Variants in EGFLAM observed in about 807,000 individuals in gnomAD.
EGFLAM encodes the protein pikachurin.
Under a neutral mutation model 113.1 loss-of-function variants are expected in EGFLAM, and 79 were observed. The observed-to-expected ratio is 0.70, with a 90% confidence interval of 0.58 to 0.84. The LOEUF is 0.84. Among genes scored for constraint, EGFLAM ranks in the 40% least tolerant of loss-of-function variants. The probability of loss-of-function intolerance (pLI) is 0.00; values close to 1 mark genes in which losing one functional copy is unlikely to be tolerated. For missense variants in EGFLAM, 1,265 were observed against 1,291.6 expected, an observed-to-expected ratio of 0.98 and a Z score of 0.32; for synonymous variants, 504 against 487.6, an observed-to-expected ratio of 1.03 and a Z score of -0.44.
intron 12 of EGFLAM, among the ~76,000 whole-genome samples, chr5:38,423,770 G>A (rs1251028923): frequency 6.6e-6 from 1 of 152,212 alleles, no homozygotes; most frequent in Non-Finnish European, 1.5e-5. Flanking sequence ...CAGCTGGGGA[G>A]GCAAGCCATC....
intron 3 of EGFLAM, among the ~76,000 whole-genome samples, chr5:38,341,023 C>T (rs1739322389): frequency 6.6e-6 from 1 of 152,172 alleles, no homozygotes; most frequent in Non-Finnish European, 1.5e-5. Context: ...AACAAAACAG[C>T]TGCTTAACCT....
chr5:38,409,256 A>G (rs1017207650), intron 10 of EGFLAM, 152 bp downstream of exon 10: 9 of 670,616 alleles, frequency 1.3e-5, no homozygotes, highest in East Asian at 5.7e-5. Context: ...TTTACCAAAT[A>G]CTGGTGTACT....
At chr5:38,330,001 T>C (rs905386431) in intron 1 of EGFLAM, among the ~76,000 whole-genome samples, 2 of 152,076 alleles carry the variant, frequency 1.3e-5, no homozygotes, top group Admixed American at 1.3e-4. Context: ...CAGGGTCCGA[T>C]TTAAATACTT....
At chr5:38,461,422 G>T (rs1231080753) in intron 20 of EGFLAM, 1 of 152,074 alleles carries the variant, frequency 6.6e-6, no homozygotes, top group Non-Finnish European at 1.5e-5. Context: ...TGATTATAAG[G>T]TATATCTTCA....
chr5:38,325,214 C>T (rs1314769237), intron 1 of EGFLAM, among the ~76,000 whole-genome samples: 2 of 152,164 alleles, frequency 1.3e-5, no homozygotes, highest in Non-Finnish European at 1.5e-5. Context: ...AAGAAATTCT[C>T]TACCTGGCTC....
At chr5:38,328,196 C>G (rs1347720850) in intron 1 of EGFLAM, among the ~76,000 whole-genome samples, 1 of 152,130 alleles carries the variant, frequency 6.6e-6, no homozygotes, top group Non-Finnish European at 1.5e-5. Flanking sequence ...CAGGCAATGT[C>G]TTACGTGGCC....
At chr5:38,261,938 A>G (rs955711511) in intron 1 of EGFLAM, among the ~76,000 whole-genome samples, 2 of 152,112 alleles carry the variant, frequency 1.3e-5, no homozygotes, top group Admixed American at 1.3e-4. Flanking sequence ...GCCTCTGAAG[A>G]ATGGGAGGGT....
At chr5:38,397,005 A>G (rs1283058403) in intron 6 of EGFLAM, among the ~76,000 whole-genome samples, 1 of 152,184 alleles carries the variant, frequency 6.6e-6, no homozygotes, top group Non-Finnish European at 1.5e-5. Context: ...GCAACACCCC[A>G]CAGGGGTTAT....
chr5:38,284,407 T>C (rs1758101579), intron 1 of EGFLAM, among the ~76,000 whole-genome samples: 1 of 152,202 alleles, frequency 6.6e-6, no homozygotes, highest in East Asian at 1.9e-4. Context: ...AGCTCCACCA[T>C]TGTAGAGCAA....
At position 38,273,869 on chromosome 5, in the gene EGFLAM, A is replaced by C. The variant is rs1333453189; in HGVS notation, c.97+15018A>C. ...AGATGAACAAAATAAGGTGCCAGTG[A>C]CTAGCCCTGAAGAGATGGAGCGCTA... On this transcript the variant is annotated intron_variant, in intron 1 of 21. Transcript: ENST00000322350. Among the ~76,000 whole-genome samples, 3 of 152,240 alleles carry C rather than the reference A, an allele frequency of 2.0e-5. No individual in the cohort carries two copies. The East Asian group carries it at 5.8e-4, about 29-fold the overall frequency.
At chr5:38,307,887 C>A (rs754488772) in intron 1 of EGFLAM, among the ~76,000 whole-genome samples, 33 of 152,154 alleles carry the variant, frequency 2.2e-4, no homozygotes, top group Non-Finnish European at 1.2e-4. Flanking sequence ...GCTGCCCAGT[C>A]CAGCCTGAGG....
intron 12 of EGFLAM, among the ~76,000 whole-genome samples, chr5:38,419,410 C>T (rs553586709): frequency 6.6e-6 from 1 of 152,288 alleles, no homozygotes; most frequent in East Asian, 1.9e-4. Flanking sequence ...GGCAAGTCTC[C>T]TCCTTGAATC....
At chr5:38,373,370 T>C (rs1740274464) in intron 6 of EGFLAM, among the ~76,000 whole-genome samples, 1 of 152,146 alleles carries the variant, frequency 6.6e-6, no homozygotes, top group African/African-American at 2.4e-5. Context: ...ATAGTGACCA[T>C]TGTACCTAAG....
intron 6 of EGFLAM, among the ~76,000 whole-genome samples, chr5:38,375,061 T>TTG (rs35558043): frequency 7.4e-3 from 299 of 40,636 alleles, no homozygotes; most frequent in Non-Finnish European, 0.011. Flanking sequence ...TCTGTTGTTG[T>TTG]TTTTTTTTTT....
chr5:38,426,922 C>T, intron 13 of EGFLAM, 87 bp from the exon 14 acceptor site: 11 of 1,554,954 alleles, frequency 7.1e-6, no homozygotes, highest in African/African-American at 1.3e-5. Context: ...TAGGTCTGTA[C>T]CCAGGAGGGA....
chr5:38,388,932 A>T (rs3110995), intron 6 of EGFLAM, among the ~76,000 whole-genome samples: 1 of 126,698 alleles, frequency 7.9e-6, no homozygotes, highest in African/African-American at 3.9e-5. Context: ...AAAAAAAAAA[A>T]CAAAAAAAAA....
At chr5:38,417,357 A>AAAC (rs1295583050) in intron 11 of EGFLAM, among the ~76,000 whole-genome samples, 4 of 141,380 alleles carry the variant, frequency 2.8e-5, no homozygotes, top group Non-Finnish European at 6.2e-5. Flanking sequence ...CAAAAAAAAA[A>AAAC]AAAAAAAAAA....
chr5:38,339,261 A>C (rs1739271204), intron 3 of EGFLAM, among the ~76,000 whole-genome samples: 1 of 152,088 alleles, frequency 6.6e-6, no homozygotes, highest in South Asian at 2.1e-4. Context: ...TCCTTCCACT[A>C]ACCGATTGTT....
At chr5:38,267,816 A>G (rs569143217) in intron 1 of EGFLAM, among the ~76,000 whole-genome samples, 2 of 152,372 alleles carry the variant, frequency 1.3e-5, no homozygotes, top group East Asian at 1.9e-4. Flanking sequence ...TCCAAGTGGC[A>G]GCAAATATAC....
Sources: gnomAD v4.1 joint callset for allele counts (sites outside exome capture counted in the v4.1 genomes callset) on GRCh38, gnomAD v4.1.1 for gene constraint, MANE v1.5 for transcripts, NCBI Gene and HGNC (gene_info 2026-07-23, HGNC 2026-07-21) for gene names.